Variants in GALNT17 observed in about 807,000 individuals in gnomAD.
The protein encoded by GALNT17 is polypeptide N-acetylgalactosaminyltransferase 17, also known as UDP-GalNAc:polypeptide N-acetylgalactosaminyltransferase-like 3.
A neutral mutation model predicts 63.7 loss-of-function variants in GALNT17; 29 were observed. The observed-to-expected ratio is 0.46, with a 90% CI of 0.34 to 0.62. The LOEUF is 0.62. Ranked by LOEUF, GALNT17 falls within the 20% of genes least tolerant of loss-of-function variation. GALNT17 has a pLI of 0.01. For synonymous variants in GALNT17, 305 were observed against 318.3 expected (o/e 0.96, Z 0.45); for missense variants, 603 against 799.6 (o/e 0.75, Z 2.97).
At chr7:71,506,850 G>A (rs1343268881) in intron 5 of GALNT17, among the ~76,000 whole-genome samples, 1 of 152,170 alleles carries the variant, frequency 6.6e-6, no homozygotes, top group Non-Finnish European at 1.5e-5. Context: ...TGTTAGGTTG[G>A]TGGCAAAGTA....
intron 1 of GALNT17, among the ~76,000 whole-genome samples, chr7:71,267,011 C>T (rs1790502791): frequency 6.6e-6 from 1 of 152,204 alleles, no homozygotes. Flanking sequence ...TCTCCAGTTG[C>T]CTGGCATACT....
At chr7:71,592,741 T>A (rs541390177) in intron 6 of GALNT17, among the ~76,000 whole-genome samples, 21 of 152,264 alleles carry the variant, frequency 1.4e-4, no homozygotes, top group African/African-American at 4.8e-4. Context: ...GGGCTCCCCC[T>A]GATTGGAAAC....
At chr7:71,390,346 G>A (rs1045716908) in intron 3 of GALNT17, among the ~76,000 whole-genome samples, 10 of 152,104 alleles carry the variant, frequency 6.6e-5, no homozygotes, top group African/African-American at 2.4e-4. Context: ...CTTCTGAACC[G>A]GCCCACTCTT....
chr7:71,322,631 T>C (rs1791638015), intron 1 of GALNT17, among the ~76,000 whole-genome samples: 1 of 152,218 alleles, frequency 6.6e-6, no homozygotes. Context: ...CTGAAATTCA[T>C]ATTTTGAAGC....
intron 3 of GALNT17, among the ~76,000 whole-genome samples, chr7:71,415,134 G>A (rs919274747): frequency 2.0e-5 from 3 of 152,072 alleles, no homozygotes; most frequent in African/African-American, 7.2e-5. Flanking sequence ...CTCCCGAGTA[G>A]CCGGAAGTAC....
At chr7:71,193,787 T>C (rs1405318202) in intron 1 of GALNT17, among the ~76,000 whole-genome samples, 2 of 152,178 alleles carry the variant, frequency 1.3e-5, no homozygotes, top group Non-Finnish European at 2.9e-5. Flanking sequence ...TTGCTTCTTT[T>C]ATAAAAGGAA....
In GALNT17 at chr7:71,634,811, GA is replaced by G. The variant is rs544625818; in HGVS notation, c.1081-30597del. 2.4e-3 allele frequency among the ~76,000 whole-genome samples: 364 copies of G among 151,758 alleles called. 2 individuals are homozygous for G. Among genetic ancestry groups the G allele is most frequent in the African/African-American group, 8.5e-3 (351 of 41,412 alleles). ...AAAAGAAATACATTGGTTTGGTCCA[GA>G]AAGGCTGGACAACTCGAAGCAGGGG... On this transcript the variant is annotated intron_variant, in intron 6 of 10. Coordinates refer to ENST00000333538, the MANE Select transcript of GALNT17 (RefSeq NM_022479.3).
intron 1 of GALNT17, chr7:71,284,212 C>T (rs1352922783): frequency 1.9e-5 from 3 of 162,154 alleles, no homozygotes; most frequent in Non-Finnish European, 4.0e-5. Context: ...TTGAAGTCAG[C>T]GAGACCACGA....
intron 1 of GALNT17, among the ~76,000 whole-genome samples, chr7:71,146,654 C>G (rs962404786): frequency 2.0e-5 from 3 of 152,148 alleles, no homozygotes; most frequent in African/African-American, 4.8e-5. Context: ...AAATGCAGGA[C>G]TCACAGGGGC....
intron 5 of GALNT17, among the ~76,000 whole-genome samples, chr7:71,441,472 C>CT (rs1208498009): frequency 3.3e-5 from 5 of 151,966 alleles, no homozygotes; most frequent in Admixed American, 1.3e-4. Context: ...TTTTCTTTTT[C>CT]TTTTTTTAAT....
intron 5 of GALNT17, among the ~76,000 whole-genome samples, chr7:71,500,330 G>C (rs562935376): frequency 6.6e-6 from 1 of 152,300 alleles, no homozygotes; most frequent in East Asian, 1.9e-4. Flanking sequence ...AAGGTTCTCT[G>C]ATTTATTCAG....
intron 5 of GALNT17, among the ~76,000 whole-genome samples, chr7:71,549,968 C>T (rs1019308605): frequency 3.3e-5 from 5 of 151,438 alleles, no homozygotes; most frequent in African/African-American, 1.2e-4. Flanking sequence ...TCCTGCTTGT[C>T]TTTCAATGCA....
At chr7:71,533,752 T>G (rs1355900398) in intron 5 of GALNT17, among the ~76,000 whole-genome samples, 1 of 152,072 alleles carries the variant, frequency 6.6e-6, no homozygotes, top group Non-Finnish European at 1.5e-5. Flanking sequence ...ACTGAAACAA[T>G]AAGTATTGCC....
intron 5 of GALNT17, among the ~76,000 whole-genome samples, chr7:71,430,943 A>G (rs1786849960): frequency 6.6e-6 from 1 of 152,126 alleles, no homozygotes; most frequent in South Asian, 2.1e-4. Flanking sequence ...CAGGGATAGT[A>G]TTGGTAAATG....
Position 71,208,174 on chromosome 7 carries a change from C to T in GALNT17, c.238+75134C>T, listed in dbSNP as rs117008368. 2.0e-3 allele frequency among the ~76,000 whole-genome samples: 309 copies of T among 152,106 alleles called. 4 individuals carry two copies. The East Asian group carries it at 0.027, about 13-fold the overall frequency. The stretch of plus-strand genomic sequence containing the variant: ...CTGGTCTTGAACTTCTGGACTTAAG[C>T]GATCTGCCTGGCTTGGCCTTCCAAA... On this transcript the variant is annotated intron_variant, in intron 1 of 10. Transcript: ENST00000333538.
At chr7:71,137,175 T>C (rs1787800398) in intron 1 of GALNT17, among the ~76,000 whole-genome samples, 1 of 147,810 alleles carries the variant, frequency 6.8e-6, no homozygotes, top group African/African-American at 2.5e-5. Context: ...AGTCTTGCTC[T>C]GTCACCCAGG....
chr7:71,449,659 C>A (rs1787223331), intron 5 of GALNT17, among the ~76,000 whole-genome samples: 1 of 152,088 alleles, frequency 6.6e-6, no homozygotes. Flanking sequence ...TTCTTGGCGA[C>A]ACATATTGGA....
intron 5 of GALNT17, among the ~76,000 whole-genome samples, chr7:71,461,788 C>T (rs1307085613): frequency 2.0e-5 from 3 of 152,142 alleles, no homozygotes; most frequent in South Asian, 2.1e-4. Context: ...TTTTCCTGTC[C>T]GGTTCTGCAG....
chr7:71,403,485 G>A (rs1021426885), intron 3 of GALNT17, among the ~76,000 whole-genome samples: 5 of 152,178 alleles, frequency 3.3e-5, no homozygotes, highest in Non-Finnish European at 2.9e-5. Context: ...GATAGTCTCC[G>A]CTAGCTAGAA....
Sources: allele counts gnomAD v4.1 joint callset (sites outside exome capture counted in the v4.1 genomes callset), GRCh38; gene constraint gnomAD v4.1.1; transcripts MANE v1.5; gene names NCBI Gene and HGNC (gene_info 2026-07-23, HGNC 2026-07-21).